The following OR6N1 variants were observed in gnomAD, a reference collection of about 807,000 sequenced individuals.
The protein encoded by OR6N1 is olfactory receptor 6N1.
For missense variants in OR6N1, 394 were observed against 371.7 expected, an observed-to-expected ratio of 1.06 and a Z score of -0.49; for synonymous variants, 170 against 150.7, an observed-to-expected ratio of 1.13 and a Z score of -0.94.
chr1:158,809,963 A>G, the OR6N1 span, among the ~76,000 whole-genome samples: 11 of 152,292 alleles, frequency 7.2e-5, no homozygotes, highest in East Asian at 2.1e-3. Context: ...CGTGAAGTCA[A>G]GAAGAAGCAA....
chr1:158,789,317 A>G, the OR6N1 span, among the ~76,000 whole-genome samples: 1 of 152,176 alleles, frequency 6.6e-6, no homozygotes, highest in Non-Finnish European at 1.5e-5. Context: ...GGGAGTGCTG[A>G]TATCTCTTCA....
the OR6N1 span, among the ~76,000 whole-genome samples, chr1:158,795,323 C>T: frequency 6.6e-6 from 1 of 152,288 alleles, no homozygotes; most frequent in East Asian, 1.9e-4. Context: ...TAAGCCTTCC[C>T]AAGGGAGACA....
At position 158,765,864 on chromosome 1, in the gene OR6N1, G is replaced by C; in HGVS notation, c.819C>G (p.Ala273=). 1 of 1,614,052 alleles carries C rather than the reference G, an allele frequency of 6.2e-7. No homozygotes were observed. The highest frequency in any genetic ancestry group is 8.5e-7 in the Non-Finnish European group (1 of 1,179,960). Residue 273 remains alanine, a synonymous_variant, in exon 2 of 2, where the codon GCC becomes GCG. Transcript: ENST00000641846. The stretch of plus-strand genomic sequence containing the variant: ...TGAGCACTGAGTAGACCACTGCCAG[G>C]GCCTGGTCATAGTCCAGTGAGTAGC... The part of the protein sequence containing the change: ...KKSYSLDYDQ[A]LAVVYSVLTP...
At chr1:158,785,482 G>A in the OR6N1 span, among the ~76,000 whole-genome samples, 1 of 152,008 alleles carries the variant, frequency 6.6e-6, no homozygotes, top group South Asian at 2.1e-4. Context: ...ACATTCTTTA[G>A]GAAAAGTTAC....
chr1:158,766,627 T>A lies in OR6N1; in HGVS notation c.56A>T (p.His19Leu). Reference sequence around the variant, plus strand: ...GAGATAAATCTGGACACCCTGGAGATGGGGGAAGCCCAAGATGATGAATTC... The same window carrying A: ...GAGATAAATCTGGACACCCTGGAGAAGGGGGAAGCCCAAGATGATGAATTC... The part of the protein sequence containing the change: ...VAEFIILGFP[H>L]LQGVQIYLFL... The change falls in exon 2 of 2, where the codon CAT becomes CTT. Residue 19 changes from histidine to leucine, a missense_variant. His to Leu is a moderately conservative substitution (Grantham distance 99, BLOSUM62 -3). Transcript: ENST00000641846. 1 of 1,613,750 alleles carries A rather than the reference T, an allele frequency of 6.2e-7. No homozygotes were observed. Among genetic ancestry groups the A allele is most frequent in the Non-Finnish European group, 8.5e-7 (1 of 1,179,946 alleles).
chr1:158,765,938 G>T lies in OR6N1; in HGVS notation c.745C>A (p.Leu249Ile), dbSNP rs778136589. ...GAAAGGATGCTCCCATAGAAGATGA[G>T]AACCACAGTGAAGTGGGAGGCACAC... is the stretch of plus-strand genomic sequence containing the variant. ...STCASHFTVVLIFYGSILSMY... is the reference protein window; with the variant it reads ...STCASHFTVVIIFYGSILSMY... The change falls in exon 2 of 2, where the codon CTC (leucine) becomes ATC (isoleucine). Residue 249 changes from leucine to isoleucine, a missense_variant. Transcript: ENST00000641846. The T allele has an allele frequency of 6.2e-7, 1 of 1,614,164 alleles. No individual in the cohort carries two copies. The highest frequency in any genetic ancestry group is 8.5e-7 in the Non-Finnish European group (1 of 1,180,004).
chr1:158,772,529 T>G (rs1657448359), upstream of OR6N1, among the ~76,000 whole-genome samples: 1 of 152,194 alleles, frequency 6.6e-6, no homozygotes, highest in Non-Finnish European at 1.5e-5. Flanking sequence ...GCATACAACT[T>G]TCAATTATGA....
At chr1:158,769,406 C>A (rs1262450739) in intron 1 of OR6N1, among the ~76,000 whole-genome samples, 1 of 152,180 alleles carries the variant, frequency 6.6e-6, no homozygotes, top group Non-Finnish European at 1.5e-5. Context: ...TCAAGTGATC[C>A]ACCTGCTTTG....
the OR6N1 span, among the ~76,000 whole-genome samples, chr1:158,801,660 T>A: frequency 0.52 from 79,822 of 152,050 alleles, 24,846 homozygotes; most frequent in African/African-American, 0.87. Flanking sequence ...CCCTTCTCTA[T>A]ATAAATGTTG....
At chr1:158,783,950 C>CA in the OR6N1 span, among the ~76,000 whole-genome samples, 1 of 151,952 alleles carries the variant, frequency 6.6e-6, no homozygotes, top group Non-Finnish European at 1.5e-5. Context: ...ACTAAAAATA[C>CA]AAAAAATTAG....
rs771575574 is a variant in OR6N1, at chr1:158,766,029, A to G, written c.654T>C (p.Tyr218=). The change falls in exon 2 of 2, where the codon TAT becomes TAC. Residue 218 remains tyrosine, a synonymous_variant. Transcript: ENST00000641846. ...LATFLLILCS[Y]VQIICTVLRI... ...TGAGCACTGTGCAGATGATCTGCAC[A>G]TAGGAGCAGAGGATCAGCAGGAAGG... 19 of 1,614,234 alleles carry G rather than the reference A, an allele frequency of 1.2e-5. No individual in the cohort carries two copies. The Admixed American group carries it at 1.7e-4, about 14-fold the overall frequency.
the OR6N1 span, among the ~76,000 whole-genome samples, chr1:158,802,655 A>G: frequency 2.2e-4 from 33 of 151,972 alleles, no homozygotes; most frequent in Admixed American, 2.2e-3. Context: ...TGCGCTTACC[A>G]TCTCTACCTT....
Position 158,765,582 on chromosome 1 carries a change from G to A in OR6N1, c.*162C>T. On this transcript the variant is annotated 3_prime_UTR_variant, in exon 2 of 2. Coordinates refer to ENST00000641846, the MANE Select transcript of OR6N1 (RefSeq NM_001005185.2). ...AAGCCAAATGTGGCTCCAGCAGACA[G>A]TATGAAGGTCGCTATAACACTGGAA... The A allele has an allele frequency of 1.6e-6, 1 of 622,686 alleles. No homozygotes were observed. The highest frequency in any genetic ancestry group is 2.8e-6 in the Non-Finnish European group (1 of 356,164). 38.6% of individuals were successfully genotyped at this position (622,686 alleles called of 1,614,324 possible).
the OR6N1 span, chr1:158,777,673 G>T: frequency 1.5e-6 from 2 of 1,354,856 alleles, no homozygotes; most frequent in Non-Finnish European, 2.1e-6. Flanking sequence ...GAAAACATTG[G>T]ATTGAGATGA....
the OR6N1 span, among the ~76,000 whole-genome samples, chr1:158,800,661 CAT>C: frequency 1.3e-5 from 2 of 152,204 alleles, no homozygotes; most frequent in African/African-American, 4.8e-5. Context: ...GTTCTCTACA[CAT>C]ATCTTTTCTC....
intron 1 of OR6N1, among the ~76,000 whole-genome samples, chr1:158,768,119 TA>T (rs920633643): frequency 2.0e-5 from 3 of 152,180 alleles, no homozygotes; most frequent in African/African-American, 7.2e-5. Flanking sequence ...CCCATCCTTT[TA>T]ATGTCACAGT....
chr1:158,794,390 C>T, the OR6N1 span, among the ~76,000 whole-genome samples: 1 of 152,134 alleles, frequency 6.6e-6, no homozygotes, highest in African/African-American at 2.4e-5. Flanking sequence ...GGGATGATCT[C>T]TCAGTGTGAT....
the OR6N1 span, among the ~76,000 whole-genome samples, chr1:158,793,747 T>C: frequency 1.7e-3 from 256 of 152,302 alleles, no homozygotes; most frequent in Non-Finnish European, 2.9e-3. Context: ...TTGAACAGTT[T>C]AGGCTTCAGG....
the OR6N1 span, among the ~76,000 whole-genome samples, chr1:158,830,705 C>A: frequency 9.2e-5 from 14 of 152,094 alleles, no homozygotes; most frequent in Non-Finnish European, 2.1e-4. Flanking sequence ...AACCAACTAT[C>A]CATAAATAAT....
Sources: gnomAD v4.1 joint callset for allele counts (sites outside exome capture counted in the v4.1 genomes callset) on GRCh38, gnomAD v4.1.1 for gene constraint, MANE v1.5 for transcripts, NCBI Gene and HGNC (gene_info 2026-07-23, HGNC 2026-07-21) for gene names.